Variants in MYH14 observed in about 807,000 individuals in gnomAD.
The protein encoded by MYH14 is myosin-14.
MYH14 carries 123 observed loss-of-function variants against 255.5 expected under a neutral mutation model. The ratio of observed to expected loss-of-function variants is 0.48; its 90% CI spans 0.42 to 0.56. MYH14 has a LOEUF of 0.56. Ranked by LOEUF, MYH14 falls within the 20% of genes least tolerant of loss-of-function variation. MYH14 has a pLI of 0.00. For synonymous variants in MYH14, 1,095 were observed against 1,161.2 expected (o/e 0.94, Z 1.16); for missense variants, 2,423 against 2,802.3 (o/e 0.86, Z 3.06).
In MYH14 at chr19:50,292,378, C is replaced by T. The variant is rs1312780913; in HGVS notation, c.5245C>T (p.Arg1749Trp). 13 of 1,583,670 alleles carry T rather than the reference C, an allele frequency of 8.2e-6. No individual in the cohort carries two copies. Among genetic ancestry groups the T allele is most frequent in the Admixed American group, 3.6e-5 (2 of 55,034 alleles). The change falls in exon 37 of 43, where the codon CGG becomes TGG. Residue 1749 changes from arginine (R) to tryptophan (W), a missense_variant. Coordinates refer to ENST00000642316, the MANE Select transcript of MYH14 (RefSeq NM_001145809.2). ...RLKGLEAEVL[R>W]LQEELAASDR... ...CAAGGGCCTGGAGGCTGAGGTGCTG[C>T]GGCTGCAGGAGGTGAGGCTGGGGTA...
At chr19:50,236,969 T>G (rs1201135987) in intron 10 of MYH14, among the ~76,000 whole-genome samples, 1 of 152,154 alleles carries the variant, frequency 6.6e-6, no homozygotes, top group East Asian at 1.9e-4. Flanking sequence ...GTCCACAGCC[T>G]CTGGCAACCA....
rs575225903 is a variant in MYH14 at position 50,242,400 on chromosome 19, GA to G, written c.1115-1840del. 1.4e-4 allele frequency among the ~76,000 whole-genome samples: 22 copies of G among 152,308 alleles called. No individual in the cohort carries two copies. The South Asian group carries it at 4.4e-3, about 30-fold the overall frequency. ...TGGGGTGGCCTCCACAATCATGGCA[GA>G]AGGCAAAAGGCACATCTTACATGGT... is the stretch of plus-strand genomic sequence containing the variant. On this transcript the variant is annotated intron_variant, in intron 10 of 42. Coordinates refer to ENST00000642316, the MANE Select transcript of MYH14 (RefSeq NM_001145809.2).
Position 50,309,733 on chromosome 19 carries a change from G to T in MYH14, c.6054G>T (p.Gln2018His). ...VASDEEAEEAQPGSGPSPEPE... is the reference protein window; with the variant it reads ...VASDEEAEEAHPGSGPSPEPE... Reference sequence around the variant, plus strand: ...CCGACGAGGAGGCAGAGGAAGCACAGCCTGGGTCTGGGCCATCCCCGGAGC... The same window carrying T: ...CCGACGAGGAGGCAGAGGAAGCACATCCTGGGTCTGGGCCATCCCCGGAGC... The change falls in exon 43 of 43, where the codon CAG becomes CAT. Residue 2018 changes from glutamine (Q) to histidine (H), a missense_variant. Gln to His is a conservative substitution (Grantham distance 24, BLOSUM62 0). Coordinates refer to ENST00000642316, the MANE Select transcript of MYH14 (RefSeq NM_001145809.2). 1 of 1,598,224 alleles carries T rather than the reference G, an allele frequency of 6.3e-7. No homozygotes were observed. Among genetic ancestry groups the T allele is most frequent in the Non-Finnish European group, 8.5e-7 (1 of 1,172,844 alleles).
chr19:50,297,972 G>GC (rs761531175), intron 39 of MYH14, among the ~76,000 whole-genome samples: 73 of 152,252 alleles, frequency 4.8e-4, no homozygotes, highest in South Asian at 2.1e-3. Context: ...CCCCATGGGT[G>GC]CATGGGGAGG....
intron 21 of MYH14, among the ~76,000 whole-genome samples, chr19:50,262,365 C>G (rs1029356492): frequency 1.3e-5 from 2 of 152,086 alleles, no homozygotes; most frequent in African/African-American, 4.8e-5. Flanking sequence ...CGAGACAAGC[C>G]TGGCCAACAT....
At chr19:50,300,697 T>C (rs1001422987) in intron 39 of MYH14, among the ~76,000 whole-genome samples, 3 of 152,074 alleles carry the variant, frequency 2.0e-5, no homozygotes, top group African/African-American at 7.2e-5. Flanking sequence ...TGCAGTGAGC[T>C]GAGATCGTGC....
At chr19:50,259,087 G>GTT in intron 18 of MYH14, 57 bp from the exon 19 acceptor site, 1 of 1,523,814 alleles carries the variant, frequency 6.6e-7, no homozygotes. Context: ...AAGCTTGACC[G>GTT]TTTGGCGCCC....
In MYH14 at chr19:50,250,406, C is replaced by G; in HGVS notation, c.1657-109C>G. 8.5e-7 allele frequency: 1 copy of G among 1,179,770 alleles called. No homozygotes were observed. 73.1% of individuals were successfully genotyped at this position (1,179,770 alleles called of 1,614,324 possible). ...GTGAGCCACCGTGCCTGGCATCTCA[C>G]GTTTGTTTTTATGTCCAAGTGTGAC... On this transcript the variant is annotated intron_variant, in intron 14 of 42. Coordinates refer to ENST00000642316, the MANE Select transcript of MYH14 (RefSeq NM_001145809.2). The surrounding 1 kb of genome is among the most constrained non-coding windows in gnomAD (Gnocchi z 5.4).
chr19:50,223,042 A>T, intron 3 of MYH14, 41 bp from the exon 4 acceptor site: 1 of 1,597,540 alleles, frequency 6.3e-7, no homozygotes, highest in East Asian at 2.2e-5. Flanking sequence ...CCTGCTAGAG[A>T]CTCTCTCAGA....
chr19:50,231,732 A>AG (rs1555757675), intron 9 of MYH14, among the ~76,000 whole-genome samples, 198 bp from the exon 10 acceptor site: 1 of 46,194 alleles, frequency 2.2e-5, no homozygotes, highest in Non-Finnish European at 4.3e-5. Context: ...AAAAAAAAAA[A>AG]ATAGAGACAG....
chr19:50,261,657 C>T (rs367562378), intron 21 of MYH14, 22 bp downstream of exon 21: 56 of 1,568,564 alleles, frequency 3.6e-5, no homozygotes, highest in African/African-American at 5.5e-5. Context: ...CGCTGTCTCC[C>T]GGGGTCCTGT....
At chr19:50,259,374 T>A in intron 19 of MYH14, 109 bp downstream of exon 19, 2 of 1,402,816 alleles carry the variant, frequency 1.4e-6, no homozygotes, top group Middle Eastern at 2.6e-4. Context: ...CCTTCTGCGC[T>A]GGGGAAGTTG....
chr19:50,307,023 A>G (rs1248333059), intron 40 of MYH14, 26 bp from the exon 41 acceptor site: 2 of 1,507,824 alleles, frequency 1.3e-6, no homozygotes, highest in Non-Finnish European at 1.8e-6. Flanking sequence ...CCCTCTACTG[A>G]GACTCCTCCT....
At chr19:50,213,733 C>G (rs1432090012) in intron 2 of MYH14, among the ~76,000 whole-genome samples, 3 of 152,166 alleles carry the variant, frequency 2.0e-5, no homozygotes, top group Non-Finnish European at 4.4e-5. Flanking sequence ...CTCTTTTTCC[C>G]ACAGCTTGGA....
intron 39 of MYH14, among the ~76,000 whole-genome samples, chr19:50,298,397 C>T (rs1006679863): frequency 1.2e-4 from 10 of 80,694 alleles, no homozygotes; most frequent in African/African-American, 2.7e-4. Context: ...CAAACACACA[C>T]ACATACACAC....
Position 50,268,256 on chromosome 19 carries a change from C to T in MYH14, c.2922C>T (p.Arg974=). The change falls in exon 24 of 43, where the codon CGC becomes CGT. Residue 974 remains arginine, a synonymous_variant. Coordinates refer to ENST00000642316, the MANE Select transcript of MYH14 (RefSeq NM_001145809.2). ...AGACGCGGGGGAGGCTGGCAGCCCGCAAGCAGGAGCTGGAGCTGGTGGTGT... is the reference window on the plus strand; with the variant it reads ...AGACGCGGGGGAGGCTGGCAGCCCGTAAGCAGGAGCTGGAGCTGGTGGTGT... ...AEETRGRLAA[R]KQELELVVSE... The T allele has an allele frequency of 2.5e-6, 4 of 1,572,518 alleles. No individual in the cohort carries two copies. The highest frequency in any genetic ancestry group is 2.6e-6 in the Non-Finnish European group (3 of 1,159,490).
rs2035347696 is a variant in MYH14, at chr19:50,272,597, G to A, written c.3333G>A (p.Leu1111=). Residue 1111 remains leucine (L), a synonymous_variant, in exon 27 of 43, where the codon CTG becomes CTA. Coordinates refer to ENST00000642316, the MANE Select transcript of MYH14 (RefSeq NM_001145809.2). ...AGGAGGAGAAGGGTCGCCAGGAGCT[G>A]GAGAAGCTGAAGCGGAGGCTGGATG... is the stretch of plus-strand genomic sequence containing the variant. ...LRKEEKGRQE[L]EKLKRRLDGE... The A allele has an allele frequency of 6.3e-7, 1 of 1,581,704 alleles. No homozygotes were observed. Among genetic ancestry groups the A allele is most frequent in the East Asian group, 2.3e-5 (1 of 43,622 alleles).
chr19:50,287,538 G>A (rs901291073), intron 34 of MYH14, among the ~76,000 whole-genome samples: 1 of 151,904 alleles, frequency 6.6e-6, no homozygotes, highest in East Asian at 1.9e-4. Context: ...TCAGTCTCCC[G>A]AGTAGCAGAG....
rs2036748558 is a variant in MYH14 at position 50,309,002 on chromosome 19, A to G, written c.5788-3A>G. 3 of 1,608,866 alleles carry G rather than the reference A, an allele frequency of 1.9e-6. No individual in the cohort carries two copies. The Admixed American group carries it at 5.1e-5, about 27-fold the overall frequency. On this transcript the variant is annotated splice_polypyrimidine_tract_variant and splice_region_variant and intron_variant, in intron 41 of 42. Transcript: ENST00000642316. ...ATAACCCAGTCCCCCTGCTTCCATC[A>G]AGCTGGAGAAGGGAAACCTTCGAGT... is the stretch of plus-strand genomic sequence containing the variant.
Sources: gnomAD v4.1 joint callset for allele counts (sites outside exome capture counted in the v4.1 genomes callset) on GRCh38, gnomAD v4.1.1 for gene constraint, Gnocchi (gnomAD v3.1) non-coding constraint, MANE v1.5 for transcripts, NCBI Gene and HGNC (gene_info 2026-07-23, HGNC 2026-07-21) for gene names.